The following TTI1 variants were observed in gnomAD, a reference collection of about 807,000 sequenced individuals.
TTI1 encodes the protein TELO2 interacting protein 1.
Under a neutral mutation model 85.4 loss-of-function variants are expected in TTI1, and 52 were observed. The observed-to-expected ratio is 0.61, with a 90% CI of 0.49 to 0.77. The LOEUF (loss-of-function observed/expected upper bound fraction) is 0.77. TTI1 is among the 30% of genes least tolerant of loss of function. TTI1 has a pLI of 0.00. For missense variants in TTI1, 1,173 were observed against 1,296.0 expected (o/e 0.91, Z 1.46); for synonymous variants, 512 against 503.9 (o/e 1.02, Z -0.22).
intron 7 of TTI1, among the ~76,000 whole-genome samples, chr20:37,989,503 GGA>G (rs1012277890): frequency 6.6e-6 from 1 of 152,236 alleles, no homozygotes; most frequent in Non-Finnish European, 1.5e-5. Flanking sequence ...CCAGAATCTA[GGA>G]GGGTTTACAT....
intron 5 of TTI1, 90 bp from the exon 6 acceptor site, chr20:37,997,043 C>G: frequency 1.4e-6 from 2 of 1,389,370 alleles, no homozygotes; most frequent in Non-Finnish European, 2.0e-6. Flanking sequence ...TCATCTAGGT[C>G]TCTGCTTGGG....
chr20:38,016,815 A>T (rs951496529), intron 1 of TTI1, among the ~76,000 whole-genome samples: 3 of 152,216 alleles, frequency 2.0e-5, no homozygotes, highest in African/African-American at 7.2e-5. Context: ...TCTGATCGCA[A>T]TTCTCTAGGC....
rs542007236 is a variant in TTI1, at chr20:37,983,832, C to T, written c.3087-193G>A. On this transcript the variant is annotated intron_variant, in intron 7 of 7. Coordinates refer to ENST00000373447, the MANE Select transcript of TTI1 (RefSeq NM_001303457.2). ...CAGTAGGATGGTCCCAAAGCCCAAC[C>T]GAAATACAGGTAACAGTTTCATATC... Among the ~76,000 whole-genome samples the T allele has an allele frequency of 3.3e-5, 5 of 152,290 alleles. No homozygotes were observed. In the South Asian group the frequency reaches 8.3e-4, roughly 25 times the overall value.
intron 2 of TTI1, among the ~76,000 whole-genome samples, chr20:38,009,745 C>T (rs935877895): frequency 3.3e-5 from 5 of 152,108 alleles, no homozygotes; most frequent in Non-Finnish European, 5.9e-5. Context: ...TCAAGCAATC[C>T]GCCCACCTCA....
chr20:38,012,686 G>C lies in TTI1; in HGVS notation c.1131C>G (p.Ser377Arg). Residue 377 changes from serine (S) to arginine (R), a missense_variant, in exon 2 of 8, where the codon AGC becomes AGG. By Grantham distance (110) the Ser-to-Arg change is moderately radical. Coordinates refer to ENST00000373447, the MANE Select transcript of TTI1 (RefSeq NM_001303457.2). The stretch of plus-strand genomic sequence containing the variant: ...GAAGAGATGTGGCAAGGGAATGCAG[G>C]CTTTCTGACAAGATGTCAGCGAGGG... ...NKALADILSE[S>R]LHSLATSLPR... 3.7e-6 allele frequency: 6 copies of C among 1,614,216 alleles called. No individual in the cohort carries two copies. Among genetic ancestry groups the C allele is most frequent in the Non-Finnish European group, 5.1e-6 (6 of 1,180,040 alleles).
rs111754342 is a variant in TTI1, at chr20:37,983,696, C to T, written c.3087-57G>A. On this transcript the variant is annotated intron_variant, in intron 7 of 7. Coordinates refer to ENST00000373447, the MANE Select transcript of TTI1 (RefSeq NM_001303457.2). ...GTACAGAGAGGGAAGGCGGGGAATG[C>T]TACAGCCCCAACCAGGAGGCTGTTT... 3.4e-4 allele frequency: 476 copies of T among 1,392,124 alleles called. 2 individuals are homozygous for T. In the African/African-American group the frequency reaches 6.5e-3, roughly 19 times the overall value. The allele number at this position is 1,392,124 out of a possible 1,614,324, so 86.2% of individuals were successfully genotyped here.
chr20:37,997,732 G>A (rs1175229590), intron 5 of TTI1, among the ~76,000 whole-genome samples: 1 of 152,150 alleles, frequency 6.6e-6, no homozygotes, highest in African/African-American at 2.4e-5. Context: ...CAGCTGAATG[G>A]CACAGCTTCT....
chr20:37,987,411 A>G (rs984411561), intron 7 of TTI1: 1 of 450,890 alleles, frequency 2.2e-6, no homozygotes, highest in Middle Eastern at 3.3e-4. Context: ...TGAACATACC[A>G]AATGGCCAGT....
In TTI1 at chr20:38,028,624, A is replaced by G. The variant is rs554595614; in HGVS notation, c.-42+4780T>C. 4.6e-5 allele frequency among the ~76,000 whole-genome samples: 7 copies of G among 152,378 alleles called. No homozygotes were observed. The South Asian group carries it at 1.2e-3, about 27-fold the overall frequency. Reference sequence around the variant, plus strand: ...CTAGACCAAAAATCCACAAGGATATAGAAAAACCACCACCATCAACCAACA... The same window carrying G: ...CTAGACCAAAAATCCACAAGGATATGGAAAAACCACCACCATCAACCAACA... On this transcript the variant is annotated intron_variant, in intron 1 of 7. Transcript: ENST00000373447.
In TTI1 at chr20:38,029,568, AAGAGAG is replaced by A. The variant is rs60021792; in HGVS notation, c.-42+3830_-42+3835del. 6.4e-3 allele frequency among the ~76,000 whole-genome samples: 957 copies of A among 149,224 alleles called. 6 individuals carry two copies. The highest frequency in any genetic ancestry group is 0.016 in the African/African-American group (664 of 40,650). On this transcript the variant is annotated intron_variant, in intron 1 of 7. Coordinates refer to ENST00000373447, the MANE Select transcript of TTI1 (RefSeq NM_001303457.2). ...AAGATTGACAAGGGAGTGAGTGAGC[AAGAGAG>A]AGAGAGAGAGAGAGAGGAGAGAGAA...
chr20:38,014,823 G>C (rs565962187), intron 1 of TTI1, among the ~76,000 whole-genome samples: 21 of 152,258 alleles, frequency 1.4e-4, no homozygotes, highest in African/African-American at 4.8e-4. Context: ...ACAAGGAGAA[G>C]GATAAACAGA....
At chr20:37,996,652 G>C in intron 6 of TTI1, 97 bp downstream of exon 6, 2 of 1,431,858 alleles carry the variant, frequency 1.4e-6, no homozygotes, top group Non-Finnish European at 1.9e-6. Flanking sequence ...GGTACACAGA[G>C]GGGAGGGGAG....
intron 7 of TTI1, among the ~76,000 whole-genome samples, chr20:37,991,637 T>C (rs77227067): frequency 0.023 from 3,573 of 152,358 alleles, 72 homozygotes; most frequent in Non-Finnish European, 0.039. Flanking sequence ...GTTCAGATTT[T>C]AGTAAGGATG....
At chr20:37,988,177 G>T (rs1185358408) in intron 7 of TTI1, among the ~76,000 whole-genome samples, 1 of 152,230 alleles carries the variant, frequency 6.6e-6, no homozygotes, top group Non-Finnish European at 1.5e-5. Flanking sequence ...GCAAGGGCCA[G>T]CCTAGAAGTG....
At chr20:38,001,759 C>T (rs987351054) in intron 4 of TTI1, among the ~76,000 whole-genome samples, 2 of 152,000 alleles carry the variant, frequency 1.3e-5, no homozygotes, top group Admixed American at 1.3e-4. Flanking sequence ...ACTCTTGTTA[C>T]TCAGGCTGGA....
chr20:38,013,944 C>G, intron 1 of TTI1, 87 bp from the exon 2 acceptor site: 1 of 1,404,466 alleles, frequency 7.1e-7, no homozygotes. Context: ...CAGACATTTA[C>G]CTGGGGTCTA....
At chr20:38,030,620 A>G (rs1339332264) in intron 1 of TTI1, among the ~76,000 whole-genome samples, 1 of 152,106 alleles carries the variant, frequency 6.6e-6, no homozygotes, top group Non-Finnish European at 1.5e-5. Context: ...TTGAAAATCA[A>G]TTAGAGTTGT....
intron 7 of TTI1, among the ~76,000 whole-genome samples, chr20:37,993,455 A>G (rs1329863205): frequency 6.6e-6 from 1 of 152,174 alleles, no homozygotes; most frequent in Admixed American, 6.5e-5. Context: ...GAGCCAGGAA[A>G]AGCAAATGGG....
chr20:37,995,196 C>CT (rs2073321670), intron 7 of TTI1, among the ~76,000 whole-genome samples: 1 of 152,172 alleles, frequency 6.6e-6, no homozygotes, highest in South Asian at 2.1e-4. Context: ...GCTCATGAAA[C>CT]TATGACTGAT....
Sources: allele counts gnomAD v4.1 joint callset (sites outside exome capture counted in the v4.1 genomes callset), GRCh38; gene constraint gnomAD v4.1.1; transcripts MANE v1.5; gene names NCBI Gene and HGNC (gene_info 2026-07-23, HGNC 2026-07-21).